FBXL17: variants seen among roughly 807,000 people sequenced by gnomAD.
FBXL17 encodes F-box/LRR-repeat protein 17.
In FBXL17, 22 loss-of-function variants were observed where a neutral mutation model predicts 66.2. That is an observed-to-expected ratio of 0.33 (90% confidence interval 0.24 to 0.47). FBXL17 has a LOEUF of 0.47. Ranked by LOEUF, FBXL17 falls within the 20% of genes least tolerant of loss-of-function variation. The pLI, the probability that FBXL17 is intolerant of heterozygous loss-of-function variation, is 1.00. For synonymous variants in FBXL17, 474 were observed against 400.5 expected, an observed-to-expected ratio of 1.18 and a Z score of -2.19; for missense variants, 878 against 948.2, an observed-to-expected ratio of 0.93 and a Z score of 0.97.
In FBXL17 at chr5:108,377,470, C is replaced by G. The variant is rs142571647; in HGVS notation, c.993+3229G>C. On this transcript the variant is annotated intron_variant, in intron 1 of 8. Coordinates refer to ENST00000542267, the MANE Select transcript of FBXL17 (RefSeq NM_001163315.3). ...GCCCCAAATTGAATCAGCTGTCTGA[C>G]AGCGAAGCTGCTGGTTTTCCAAACT... Among the ~76,000 whole-genome samples the G allele has an allele frequency of 2.7e-3, 419 of 152,370 alleles. 4 individuals are homozygous for G. The highest frequency in any genetic ancestry group is 9.5e-3 in the African/African-American group (397 of 41,592).
Position 108,146,097 on chromosome 5 carries a change from T to C in FBXL17, c.1745+40020A>G, listed in dbSNP as rs539600961. 3.6e-4 allele frequency among the ~76,000 whole-genome samples: 55 copies of C among 152,124 alleles called. No homozygotes were observed. In the South Asian group the frequency reaches 0.011, roughly 32 times the overall value. On this transcript the variant is annotated intron_variant, in intron 6 of 8. Transcript: ENST00000542267. ...ATACAAAAAAATTAGCTGGGCGTGATAGCGGGCACCTGCAGTCCCAGCTAC... is the reference window on the plus strand; with the variant it reads ...ATACAAAAAAATTAGCTGGGCGTGACAGCGGGCACCTGCAGTCCCAGCTAC...
chr5:107,916,176 T>C (rs554199015), intron 7 of FBXL17, among the ~76,000 whole-genome samples: 2 of 152,322 alleles, frequency 1.3e-5, no homozygotes, highest in South Asian at 2.1e-4. Context: ...CCATATTTAT[T>C]CAATAAAGAC....
In FBXL17 at chr5:108,164,877, A is replaced by G. The variant is rs887252591; in HGVS notation, c.1745+21240T>C. ...TATCTACTACAGTATTCTGCCCCTT[A>G]GTGAAAAATACACTTGTGCCTAAAT... On this transcript the variant is annotated intron_variant, in intron 6 of 8. Transcript: ENST00000542267. Among the ~76,000 whole-genome samples the G allele has an allele frequency of 2.6e-5, 4 of 152,328 alleles. No homozygotes were observed. In the East Asian group the frequency reaches 5.8e-4, roughly 22 times the overall value.
intron 7 of FBXL17, among the ~76,000 whole-genome samples, chr5:107,972,462 A>G (rs1177186120): frequency 6.6e-6 from 1 of 152,146 alleles, no homozygotes; most frequent in African/African-American, 2.4e-5. Flanking sequence ...AAACATCTTC[A>G]AAGTCTGTAT....
At chr5:107,938,940 T>A (rs1425704025) in intron 7 of FBXL17, among the ~76,000 whole-genome samples, 1 of 152,118 alleles carries the variant, frequency 6.6e-6, no homozygotes. Context: ...TCTAGGACCT[T>A]TACAAACTTC....
At chr5:108,166,749 T>C (rs1752431192) in intron 6 of FBXL17, among the ~76,000 whole-genome samples, 1 of 152,206 alleles carries the variant, frequency 6.6e-6, no homozygotes, top group Non-Finnish European at 1.5e-5. Context: ...ATTCTTGGAA[T>C]ACATCAAGTT....
chr5:108,214,990 C>T (rs779828902), intron 5 of FBXL17, among the ~76,000 whole-genome samples: 46 of 152,176 alleles, frequency 3.0e-4, no homozygotes, highest in Non-Finnish European at 6.0e-4. Context: ...TCCTCTTTAT[C>T]ATAATGCTTC....
At chr5:108,173,869 A>G (rs1018556951) in intron 6 of FBXL17, among the ~76,000 whole-genome samples, 1 of 152,242 alleles carries the variant, frequency 6.6e-6, no homozygotes, top group Non-Finnish European at 1.5e-5. Flanking sequence ...ATAGAGAAAC[A>G]GCTGGAAACT....
At chr5:108,214,809 T>A (rs945616392) in intron 5 of FBXL17, among the ~76,000 whole-genome samples, 4 of 152,230 alleles carry the variant, frequency 2.6e-5, no homozygotes, top group African/African-American at 9.6e-5. Context: ...AAAGTCATCC[T>A]CATAAATTGT....
chr5:108,329,847 G>T (rs1326906942), intron 4 of FBXL17, among the ~76,000 whole-genome samples: 2 of 151,990 alleles, frequency 1.3e-5, no homozygotes, highest in African/African-American at 4.8e-5. Flanking sequence ...TAACAGTCCA[G>T]GCTCGGGAAC....
At chr5:108,213,174 T>G (rs974275252) in intron 5 of FBXL17, among the ~76,000 whole-genome samples, 3 of 152,056 alleles carry the variant, frequency 2.0e-5, no homozygotes, top group Non-Finnish European at 2.9e-5. Context: ...CACAGCAGGC[T>G]GCTGCTGTGC....
chr5:108,186,767 CAAAAAAAGAAAAAAA>C (rs1258638491), intron 5 of FBXL17, among the ~76,000 whole-genome samples: 4 of 111,314 alleles, frequency 3.6e-5, no homozygotes, highest in Non-Finnish European at 5.5e-5. Flanking sequence ...GACTGCGTAT[CAAAAAAAGAAAAAAA>C]AAAAAAAGAA....
intron 7 of FBXL17, among the ~76,000 whole-genome samples, chr5:107,989,786 G>T (rs957870548): frequency 5.9e-5 from 9 of 151,974 alleles, no homozygotes; most frequent in Admixed American, 1.3e-4. Context: ...ATCTAAATAA[G>T]GGTGTATTTG....
At position 108,380,780 on chromosome 5, in the gene FBXL17, G is replaced by A. The variant is rs181640820; in HGVS notation, c.912C>T (p.Pro304=). 669 of 1,248,386 alleles carry A rather than the reference G, an allele frequency of 5.4e-4. 5 individuals are homozygous for A. In the African/African-American group the frequency reaches 9.5e-3, roughly 18 times the overall value. 77.3% of individuals were successfully genotyped at this position (1,248,386 alleles called of 1,614,324 possible). The change falls in exon 1 of 9, where the codon CCC becomes CCT. Residue 304 remains proline, a synonymous_variant. Coordinates refer to ENST00000542267, the MANE Select transcript of FBXL17 (RefSeq NM_001163315.3). Reference sequence around the variant, plus strand: ...CCCTGTGACAGTCGCAGGGGTTTTCGGGGGACTCCCGACAGTCCGCGTCGC... The same window carrying A: ...CCCTGTGACAGTCGCAGGGGTTTTCAGGGGACTCCCGACAGTCCGCGTCGC... ...ECGDADCRES[P]ENPCDCHREP... is the part of the protein sequence containing the mutation.
intron 4 of FBXL17, among the ~76,000 whole-genome samples, chr5:108,263,742 G>T (rs1580711168): frequency 6.6e-6 from 1 of 152,144 alleles, no homozygotes; most frequent in East Asian, 1.9e-4. Context: ...ACACATCTAT[G>T]TATTTTCACA....
chr5:108,380,277 A>T (rs1393297407), intron 1 of FBXL17, among the ~76,000 whole-genome samples: 1 of 152,252 alleles, frequency 6.6e-6, no homozygotes, highest in African/African-American at 2.4e-5. Context: ...TCAGTAAGTT[A>T]ACCGTTTGAC....
chr5:108,242,289 C>T (rs1755888389), intron 4 of FBXL17, among the ~76,000 whole-genome samples: 1 of 152,118 alleles, frequency 6.6e-6, no homozygotes, highest in South Asian at 2.1e-4. Flanking sequence ...TCCAGCAATC[C>T]TCCTGCCTCA....
chr5:108,380,680 GC>G lies in FBXL17; in HGVS notation c.993+18del. The G allele has an allele frequency of 4.0e-6, 5 of 1,247,012 alleles. No individual in the cohort carries two copies. Among genetic ancestry groups the G allele is most frequent in the Non-Finnish European group, 5.1e-6 (5 of 987,082 alleles). 77.2% of individuals were successfully genotyped at this position (1,247,012 alleles called of 1,614,324 possible). A position where few individuals can be genotyped will look rare whatever the true frequency, so the allele number is the denominator to read the frequency against. The stretch of plus-strand genomic sequence containing the variant: ...GGTGGGGGAAAGCGAGCATCCCTGC[GC>G]CTCTCGCCCAGACCCACCTTGAGCA... On this transcript the variant is annotated intron_variant, in intron 1 of 8. Transcript: ENST00000542267.
intron 4 of FBXL17, among the ~76,000 whole-genome samples, chr5:108,285,174 C>T (rs1408937494): frequency 6.6e-6 from 1 of 151,926 alleles, no homozygotes; most frequent in South Asian, 2.1e-4. Flanking sequence ...TCAGGCTTCA[C>T]TTCTAATTCT....
Sources: allele counts gnomAD v4.1 joint callset (sites outside exome capture counted in the v4.1 genomes callset), GRCh38; gene constraint gnomAD v4.1.1; transcripts MANE v1.5; gene names NCBI Gene and HGNC (gene_info 2026-07-23, HGNC 2026-07-21).